TXNDC16: variants seen among roughly 807,000 people sequenced by gnomAD.
TXNDC16 encodes thioredoxin domain containing 16, also known as thioredoxin domain-containing protein 16.
In TXNDC16, 74 loss-of-function variants were observed where a neutral mutation model predicts 85.6. That is an observed-to-expected ratio of 0.86 (90% CI 0.72 to 1.05). The LOEUF (loss-of-function observed/expected upper bound fraction) is 1.05, where lower values mean the gene tolerates loss of function less well. Ranked by LOEUF, TXNDC16 falls within the 50% of genes least tolerant of loss-of-function variation. The probability of loss-of-function intolerance (pLI) is 0.00; values close to 1 mark genes in which losing one functional copy is unlikely to be tolerated. For missense variants in TXNDC16, 959 were observed against 947.0 expected, an observed-to-expected ratio of 1.01 and a Z score of -0.17; for synonymous variants, 335 against 326.5, an observed-to-expected ratio of 1.03 and a Z score of -0.28.
intron 18 of TXNDC16, among the ~76,000 whole-genome samples, chr14:52,443,858 CAAGA>C (rs2035220291): frequency 6.6e-6 from 1 of 151,912 alleles, no homozygotes; most frequent in African/African-American, 2.4e-5. Flanking sequence ...AGAGAAAGAC[CAAGA>C]GATTTGTGAG....
rs191218968 is a variant in TXNDC16, at chr14:52,523,493, C to T, written c.393-4200G>A. On this transcript the variant is annotated intron_variant, in intron 6 of 20. Coordinates refer to ENST00000281741, the MANE Select transcript of TXNDC16 (RefSeq NM_020784.3). ...AAAAAGGAAAATGTAAATGTTTTAC[C>T]ATACCAAAACCCCCAGGAAAAAAAA... Among the ~76,000 whole-genome samples the T allele has an allele frequency of 1.3e-3, 193 of 151,964 alleles. 1 individual carries two copies. The highest frequency in any genetic ancestry group is 4.2e-3 in the African/African-American group (175 of 41,442).
chr14:52,492,388 G>T (rs1022814473), intron 9 of TXNDC16, among the ~76,000 whole-genome samples: 9 of 152,046 alleles, frequency 5.9e-5, no homozygotes, highest in Non-Finnish European at 1.2e-4. Context: ...CTCTAGGCTC[G>T]GCCCTGCTCA....
intron 15 of TXNDC16, 83 bp downstream of exon 15, chr14:52,470,429 T>C: frequency 7.0e-7 from 1 of 1,422,154 alleles, no homozygotes; most frequent in Admixed American, 2.3e-5. Context: ...CCTTAACCTA[T>C]TTTAAGTGTT....
At chr14:52,501,594 A>G (rs1219705066) in intron 9 of TXNDC16, among the ~76,000 whole-genome samples, 1 of 152,210 alleles carries the variant, frequency 6.6e-6, no homozygotes, top group Non-Finnish European at 1.5e-5. Context: ...CTATGAGAGA[A>G]TAAGAATAAA....
chr14:52,477,644 T>C lies in TXNDC16; in HGVS notation c.1312+4586A>G, dbSNP rs538165479. ...AAAATATCACAATCCTAAATATATA[T>C]GCACCTAACATTGGAGCGCCTAAAT... On this transcript the variant is annotated intron_variant, in intron 14 of 20. Coordinates refer to ENST00000281741, the MANE Select transcript of TXNDC16 (RefSeq NM_020784.3). Among the ~76,000 whole-genome samples, 29 of 152,298 alleles carry C rather than the reference T, an allele frequency of 1.9e-4. 1 individual carries two copies. Among genetic ancestry groups the C allele is most frequent in the Admixed American group, 1.5e-3 (23 of 15,302 alleles).
At chr14:52,487,782 A>C (rs2036304097) in intron 12 of TXNDC16, among the ~76,000 whole-genome samples, 1 of 152,256 alleles carries the variant, frequency 6.6e-6, no homozygotes, top group Non-Finnish European at 1.5e-5. Flanking sequence ...TATAAAATGA[A>C]AGTGGTATCA....
intron 4 of TXNDC16, 57 bp from the exon 5 acceptor site, chr14:52,537,729 T>C (rs895478622): frequency 1.5e-5 from 15 of 1,015,548 alleles, no homozygotes; most frequent in Middle Eastern, 2.7e-4. Context: ...AGTTTCTTGG[T>C]TGGGGAAACA....
rs140478874 is a variant in TXNDC16, at chr14:52,452,086, T to C, written c.1842+3238A>G. 2.9e-3 allele frequency among the ~76,000 whole-genome samples: 435 copies of C among 152,218 alleles called. 1 individual carries two copies. Among genetic ancestry groups the C allele is most frequent in the Non-Finnish European group, 4.2e-3 (285 of 67,970 alleles). On this transcript the variant is annotated intron_variant, in intron 18 of 20. Transcript: ENST00000281741. ...ATCAAGAAAGTAATCCTATTTACAA[T>C]AGCCACAAGTAAAATTAAATACCCA...
intron 16 of TXNDC16, among the ~76,000 whole-genome samples, chr14:52,461,261 G>T (rs953528603): frequency 1.3e-5 from 2 of 151,552 alleles, no homozygotes; most frequent in Non-Finnish European, 2.9e-5. Context: ...TAAAAACCTA[G>T]AAATTAATTT....
chr14:52,504,771 C>T (rs2036751087), intron 9 of TXNDC16, among the ~76,000 whole-genome samples: 1 of 152,176 alleles, frequency 6.6e-6, no homozygotes, highest in South Asian at 2.1e-4. Context: ...AACACACAGC[C>T]TGGCAAATTG....
rs548434016 is a variant in TXNDC16, at chr14:52,450,041, G to T, written c.1842+5283C>A. Among the ~76,000 whole-genome samples, 11 of 151,958 alleles carry T rather than the reference G, an allele frequency of 7.2e-5. No homozygotes were observed. The South Asian group carries it at 2.3e-3, about 32-fold the overall frequency. ...TACACCTAAAGAACTAGAAAAGCAA[G>T]AGCAAACCAAACCCAAAATTAGCAG... On this transcript the variant is annotated intron_variant, in intron 18 of 20. Coordinates refer to ENST00000281741, the MANE Select transcript of TXNDC16 (RefSeq NM_020784.3).
chr14:52,482,721 G>A, intron 13 of TXNDC16, 101 bp downstream of exon 13: 7 of 1,089,856 alleles, frequency 6.4e-6, no homozygotes, highest in Non-Finnish European at 8.9e-6. Flanking sequence ...ACATACGAAA[G>A]CAATTTCATT....
Position 52,490,833 on chromosome 14 carries a change from A to G in TXNDC16, c.923+6T>C. 6.2e-7 allele frequency: 1 copy of G among 1,602,950 alleles called. No individual in the cohort carries two copies. Among genetic ancestry groups the G allele is most frequent in the Non-Finnish European group, 8.5e-7 (1 of 1,177,428 alleles). ...AAATATAGTAAATATTCGATGTTTA[A>G]GATACCTTAACAAGAGTAGAACTCC... On this transcript the variant is annotated splice_donor_region_variant and intron_variant, in intron 10 of 20. Transcript: ENST00000281741.
chr14:52,451,654 T>TA (rs1386492328), intron 18 of TXNDC16, among the ~76,000 whole-genome samples: 1 of 151,816 alleles, frequency 6.6e-6, no homozygotes, highest in East Asian at 1.9e-4. Flanking sequence ...ATCCCTTCAT[T>TA]AAAAAAACCC....
chr14:52,448,927 T>C (rs2035344845), intron 18 of TXNDC16, among the ~76,000 whole-genome samples: 1 of 152,014 alleles, frequency 6.6e-6, no homozygotes, highest in Admixed American at 6.6e-5. Flanking sequence ...ACAAGCATCA[T>C]GGTAACTTCA....
At chr14:52,503,837 G>C (rs1044388748) in intron 9 of TXNDC16, among the ~76,000 whole-genome samples, 1 of 152,198 alleles carries the variant, frequency 6.6e-6, no homozygotes, top group East Asian at 1.9e-4. Context: ...AAAAAGATTA[G>C]ACGAATGGCT....
chr14:52,544,905 T>C (rs968935841), intron 1 of TXNDC16, among the ~76,000 whole-genome samples: 7 of 152,132 alleles, frequency 4.6e-5, no homozygotes, highest in Admixed American at 6.5e-5. Flanking sequence ...AGGGGTATCA[T>C]TGACATTAAA....
At chr14:52,474,249 T>C (rs2035970737) in intron 14 of TXNDC16, among the ~76,000 whole-genome samples, 1 of 152,204 alleles carries the variant, frequency 6.6e-6, no homozygotes, top group Non-Finnish European at 1.5e-5. Context: ...GAGAGAGGGA[T>C]AATTAATCAT....
At chr14:52,497,899 A>AG (rs1322532366) in intron 9 of TXNDC16, among the ~76,000 whole-genome samples, 3 of 149,904 alleles carry the variant, frequency 2.0e-5, no homozygotes, top group African/African-American at 7.3e-5. Context: ...AAAAAAAAAA[A>AG]ACCTACCAAA....
Sources: gnomAD v4.1 joint callset for allele counts (sites outside exome capture counted in the v4.1 genomes callset) on GRCh38, gnomAD v4.1.1 for gene constraint, MANE v1.5 for transcripts, NCBI Gene and HGNC (gene_info 2026-07-23, HGNC 2026-07-21) for gene names.